Variants in CACNA2D3 observed in about 807,000 individuals in gnomAD.
The protein encoded by CACNA2D3 is voltage-dependent calcium channel subunit alpha-2/delta-3.
Under a neutral mutation model 160.6 loss-of-function variants are expected in CACNA2D3, and 60 were observed. The ratio of observed to expected loss-of-function variants is 0.37; its 90% CI spans 0.30 to 0.46. CACNA2D3 has a LOEUF of 0.46. CACNA2D3 is among the 20% of genes least tolerant of loss of function. The pLI is 1.00. For missense variants in CACNA2D3, 1,205 were observed against 1,365.0 expected, an observed-to-expected ratio of 0.88 and a Z score of 1.85; for synonymous variants, 558 against 492.9, an observed-to-expected ratio of 1.13 and a Z score of -1.75.
chr3:54,301,110 A>G (rs1210828932), intron 2 of CACNA2D3, among the ~76,000 whole-genome samples: 1 of 152,012 alleles, frequency 6.6e-6, no homozygotes. Flanking sequence ...CAAATAAATT[A>G]GCCAGGCTTG....
At chr3:54,764,394 C>T in intron 13 of CACNA2D3, 43 bp downstream of exon 13, 1 of 1,605,092 alleles carries the variant, frequency 6.2e-7, no homozygotes, top group East Asian at 2.2e-5. Flanking sequence ...GCTTTACCCC[C>T]ATCCCCAAAT....
chr3:55,004,883 CT>C, intron 32 of CACNA2D3, 45 bp downstream of exon 32: 1 of 1,331,994 alleles, frequency 7.5e-7, no homozygotes, highest in Non-Finnish European at 1.1e-6. Flanking sequence ...ACATTTCTGT[CT>C]TTCTCCCTGT....
chr3:54,763,822 TAC>T lies in CACNA2D3; in HGVS notation c.1247-395_1247-394del, dbSNP rs1420100716. On this transcript the variant is annotated intron_variant, in intron 12 of 37. Transcript: ENST00000474759. ...ATGTACATATATATACATATATATA[TAC>T]GTATATATATGTATATATATGTACA... is the stretch of plus-strand genomic sequence containing the variant. Among the ~76,000 whole-genome samples the T allele has an allele frequency of 1.9e-4, 17 of 88,016 alleles. 4 individuals are homozygous for T. Among genetic ancestry groups the T allele is most frequent in the Admixed American group, 9.2e-4 (7 of 7,568 alleles). 57.7% of individuals were successfully genotyped at this position (88,016 alleles called of 152,430 possible).
chr3:54,752,811 A>G lies in CACNA2D3; in HGVS notation c.1246+134A>G, dbSNP rs1346827665. ...GGTATATCTAAGTGATTACTGATAG[A>G]CTTGTAACGGTTTCTTCCAAATTAT... On this transcript the variant is annotated intron_variant, in intron 12 of 37. Coordinates refer to ENST00000474759, the MANE Select transcript of CACNA2D3 (RefSeq NM_018398.3). 24 of 585,382 alleles carry G rather than the reference A, an allele frequency of 4.1e-5. 1 individual carries two copies. The Admixed American group carries it at 7.5e-4, about 18-fold the overall frequency. 36.3% of individuals were successfully genotyped at this position (585,382 alleles called of 1,614,324 possible).
intron 2 of CACNA2D3, among the ~76,000 whole-genome samples, chr3:54,205,597 C>T (rs1393962334): frequency 6.6e-6 from 1 of 152,108 alleles, no homozygotes; most frequent in Non-Finnish European, 1.5e-5. Flanking sequence ...AGAGCTAAAC[C>T]TTCATTTACC....
At chr3:54,761,259 A>C (rs1056564999) in intron 12 of CACNA2D3, among the ~76,000 whole-genome samples, 1 of 152,072 alleles carries the variant, frequency 6.6e-6, no homozygotes, top group African/African-American at 2.4e-5. Context: ...CAGGCACCTA[A>C]ACAGAATTGT....
At chr3:54,391,852 C>CT (rs1408802663) in intron 4 of CACNA2D3, among the ~76,000 whole-genome samples, 1 of 152,086 alleles carries the variant, frequency 6.6e-6, no homozygotes, top group Non-Finnish European at 1.5e-5. Context: ...TCAGTTCAGC[C>CT]CTCTGGCTTG....
chr3:54,296,921 C>G (rs6445641), intron 2 of CACNA2D3, among the ~76,000 whole-genome samples: 35,350 of 152,046 alleles, frequency 0.23, 4,350 homozygotes, highest in South Asian at 0.34. Flanking sequence ...GGGCTTGTGT[C>G]TGGGATGAAC....
chr3:54,937,133 A>G (rs1339289003), intron 27 of CACNA2D3, among the ~76,000 whole-genome samples: 1 of 152,166 alleles, frequency 6.6e-6, no homozygotes, highest in Admixed American at 6.5e-5. Context: ...AGACACCCTT[A>G]CTTAAAAATA....
intron 4 of CACNA2D3, among the ~76,000 whole-genome samples, chr3:54,482,700 T>C (rs926530852): frequency 6.6e-6 from 1 of 152,176 alleles, no homozygotes; most frequent in Non-Finnish European, 1.5e-5. Flanking sequence ...TATTTCTTGC[T>C]CATGTAAATG....
At chr3:54,332,001 G>A (rs1190826963) in intron 3 of CACNA2D3, among the ~76,000 whole-genome samples, 6 of 152,160 alleles carry the variant, frequency 3.9e-5, no homozygotes. Flanking sequence ...TGGTCACGTG[G>A]AGAAGGGGAT....
At chr3:54,205,809 C>T (rs1186081292) in intron 2 of CACNA2D3, among the ~76,000 whole-genome samples, 1 of 152,102 alleles carries the variant, frequency 6.6e-6, no homozygotes, top group Non-Finnish European at 1.5e-5. Context: ...GGAGGATGTC[C>T]TCTTGTATTA....
intron 5 of CACNA2D3, among the ~76,000 whole-genome samples, chr3:54,551,430 A>G (rs552233900): frequency 6.6e-6 from 1 of 152,334 alleles, no homozygotes; most frequent in South Asian, 2.1e-4. Flanking sequence ...GGGATATTAG[A>G]AAATATGACA....
In CACNA2D3 at chr3:54,214,980, T is replaced by G. The variant is rs76248768; in HGVS notation, c.204+91386T>G. 5.6e-3 allele frequency among the ~76,000 whole-genome samples: 851 copies of G among 152,030 alleles called. 31 individuals carry two copies. The East Asian group carries it at 0.11, about 19-fold the overall frequency. ...TTGAATAAAGCACAATACCCCAGAG[T>G]AGGGGTCCTCAGATGTGACATCTTC... On this transcript the variant is annotated intron_variant, in intron 2 of 37. Coordinates refer to ENST00000474759, the MANE Select transcript of CACNA2D3 (RefSeq NM_018398.3).
At chr3:54,367,623 C>A (rs1868506) in intron 3 of CACNA2D3, 75,685 of 339,262 alleles carry the variant, frequency 0.22, 8,822 homozygotes, top group Middle Eastern at 0.35. Context: ...GGGGCTTGAA[C>A]GACCCCTGGC....
At chr3:54,443,859 G>T (rs1700181097) in intron 4 of CACNA2D3, among the ~76,000 whole-genome samples, 2 of 152,160 alleles carry the variant, frequency 1.3e-5, no homozygotes, top group Admixed American at 1.3e-4. Context: ...TCTTTGCTTT[G>T]TAGAGTTCTA....
chr3:55,031,271 C>A (rs775023334), intron 35 of CACNA2D3, among the ~76,000 whole-genome samples: 1 of 152,174 alleles, frequency 6.6e-6, no homozygotes, highest in Non-Finnish European at 1.5e-5. Flanking sequence ...GTGTTCCCCC[C>A]TTGCTGTGCC....
intron 27 of CACNA2D3, among the ~76,000 whole-genome samples, chr3:54,923,999 T>C (rs1217073426): frequency 6.6e-6 from 1 of 152,238 alleles, no homozygotes; most frequent in Non-Finnish European, 1.5e-5. Context: ...GCTGTGGCCC[T>C]GGGGCTGTAG....
intron 35 of CACNA2D3, among the ~76,000 whole-genome samples, chr3:55,031,568 C>A (rs575035862): frequency 2.4e-4 from 36 of 152,274 alleles, no homozygotes; most frequent in African/African-American, 8.4e-4. Context: ...ATCAGCTTTT[C>A]TTTGGGACTT....
Sources: gnomAD v4.1 joint callset for allele counts (sites outside exome capture counted in the v4.1 genomes callset) on GRCh38, gnomAD v4.1.1 for gene constraint, MANE v1.5 for transcripts, NCBI Gene and HGNC (gene_info 2026-07-23, HGNC 2026-07-21) for gene names.